NAV2: variants seen among roughly 807,000 people sequenced by gnomAD.
NAV2 encodes helicase, APC down-regulated 1.
A neutral mutation model predicts 223.2 loss-of-function variants in NAV2; 54 were observed. That is an observed-to-expected ratio of 0.24 (90% confidence interval 0.19 to 0.30). The LOEUF (loss-of-function observed/expected upper bound fraction) is 0.30. Among genes scored for constraint, NAV2 ranks in the 10% least tolerant of loss-of-function variants. NAV2 has a pLI of 1.00. For missense variants in NAV2, 2,806 were observed against 3,147.5 expected (o/e 0.89, Z 2.60); for synonymous variants, 1,279 against 1,239.3 (o/e 1.03, Z -0.67).
At chr11:19,884,407 C>A in intron 5 of NAV2, 2 of 1,510,822 alleles carry the variant, frequency 1.3e-6, no homozygotes, top group Non-Finnish European at 1.8e-6. Context: ...TAATCCCAAC[C>A]CACTGTTCCA....
intron 20 of NAV2, among the ~76,000 whole-genome samples, chr11:20,063,216 G>C (rs1722567717): frequency 6.6e-6 from 1 of 152,102 alleles, no homozygotes; most frequent in African/African-American, 2.4e-5. Flanking sequence ...CTAAAACAAT[G>C]AATATAGTAC....
chr11:19,491,743 T>C (rs182659244), intron 1 of NAV2, among the ~76,000 whole-genome samples: 39 of 152,356 alleles, frequency 2.6e-4, no homozygotes, highest in African/African-American at 8.7e-4. Flanking sequence ...TTTCTTTGCA[T>C]TCACAATTTG....
intron 1 of NAV2, among the ~76,000 whole-genome samples, chr11:19,605,075 A>C (rs2046442593): frequency 6.6e-6 from 1 of 152,184 alleles, no homozygotes. Flanking sequence ...TAACTTACCC[A>C]AGGCCTCCAG....
At chr11:19,573,024 C>G (rs778019301) in intron 1 of NAV2, among the ~76,000 whole-genome samples, 10 of 152,168 alleles carry the variant, frequency 6.6e-5, no homozygotes, top group Non-Finnish European at 1.5e-4. Flanking sequence ...TCTCATTAAC[C>G]TCTTGTTTAG....
intron 6 of NAV2, among the ~76,000 whole-genome samples, chr11:19,905,699 G>A (rs1179589335): frequency 6.6e-6 from 1 of 152,152 alleles, no homozygotes; most frequent in Admixed American, 6.5e-5. Context: ...TACCTGTGAG[G>A]GAGAGGGACT....
In NAV2 at chr11:19,601,271, C is replaced by T. The variant is rs112313697; in HGVS notation, c.76-231213C>T. On this transcript the variant is annotated intron_variant, in intron 1 of 37. Transcript: ENST00000360655. ...CTGCTGCTTCCTCCTCCCTACTGCC[C>T]CTACACCCTACTTGGAACATCCTCC... is the stretch of plus-strand genomic sequence containing the variant. Among the ~76,000 whole-genome samples, 624 of 152,346 alleles carry T rather than the reference C, an allele frequency of 4.1e-3. 6 individuals are homozygous for T. The highest frequency in any genetic ancestry group is 0.013 in the African/African-American group (534 of 41,578).
intron 6 of NAV2, among the ~76,000 whole-genome samples, chr11:19,896,890 C>A (rs906415512): frequency 2.6e-5 from 4 of 152,188 alleles, no homozygotes; most frequent in Non-Finnish European, 5.9e-5. Flanking sequence ...TGGGTATATA[C>A]CCAAAGGATT....
At chr11:19,469,927 G>C (rs979585655) in intron 1 of NAV2, among the ~76,000 whole-genome samples, 1 of 152,224 alleles carries the variant, frequency 6.6e-6, no homozygotes, top group South Asian at 2.1e-4. Context: ...GCAGCCACCT[G>C]TGCCTTTTCA....
chr11:19,618,401 G>T (rs146479662), intron 1 of NAV2, among the ~76,000 whole-genome samples: 4 of 30,504 alleles, frequency 1.3e-4, no homozygotes, highest in Non-Finnish European at 4.4e-4. Context: ...TGGATGAATA[G>T]ATGGATGGAT....
rs190232620 is a variant in NAV2 at position 20,052,992 on chromosome 11, G to C, written c.4482-1088G>C. Among the ~76,000 whole-genome samples, 535 of 152,188 alleles carry C rather than the reference G, an allele frequency of 3.5e-3. 10 individuals are homozygous for C. The highest frequency in any genetic ancestry group is 5.4e-4 in the Non-Finnish European group (37 of 68,020). ...AGCACTTTGGGAGGCTGAGGTAGGTGGATCACTTGAGGGCGGGAGTTCAAG... is the reference window on the plus strand; with the variant it reads ...AGCACTTTGGGAGGCTGAGGTAGGTCGATCACTTGAGGGCGGGAGTTCAAG... On this transcript the variant is annotated intron_variant, in intron 17 of 37. Transcript: ENST00000349880.
intron 8 of NAV2, among the ~76,000 whole-genome samples, chr11:19,945,735 C>A (rs945817178): frequency 9.2e-5 from 14 of 152,206 alleles, no homozygotes; most frequent in Non-Finnish European, 1.8e-4. Context: ...GATCTCCAGG[C>A]CTGATCCCAG....
intron 1 of NAV2, among the ~76,000 whole-genome samples, chr11:19,521,976 ATGGG>A (rs1412267155): frequency 6.6e-6 from 1 of 152,172 alleles, no homozygotes; most frequent in Non-Finnish European, 1.5e-5. Flanking sequence ...GTTTAGGCAG[ATGGG>A]TTTGGATCCA....
intron 1 of NAV2, among the ~76,000 whole-genome samples, chr11:19,533,382 T>C (rs139601441): frequency 1.3e-5 from 2 of 152,236 alleles, no homozygotes; most frequent in South Asian, 2.1e-4. Context: ...TGAAATGTTC[T>C]TGGGGTCAAA....
chr11:19,919,321 C>T (rs1470672615), intron 6 of NAV2, among the ~76,000 whole-genome samples: 1 of 151,294 alleles, frequency 6.6e-6, no homozygotes, highest in African/African-American at 2.4e-5. Context: ...TGAGAAGCTC[C>T]TTGAGTCCTT....
chr11:20,031,305 C>G (rs982808653), intron 11 of NAV2, among the ~76,000 whole-genome samples: 1 of 152,150 alleles, frequency 6.6e-6, no homozygotes, highest in Non-Finnish European at 1.5e-5. Flanking sequence ...ATTTATTGCC[C>G]GATTTGGGTC....
At chr11:19,567,177 G>A (rs899500995) in intron 1 of NAV2, among the ~76,000 whole-genome samples, 4 of 152,132 alleles carry the variant, frequency 2.6e-5, no homozygotes, top group African/African-American at 4.8e-5. Flanking sequence ...AGCTATTGCC[G>A]GGGACAGGAT....
intron 3 of NAV2, among the ~76,000 whole-genome samples, chr11:19,846,624 G>T (rs1215721714): frequency 1.3e-5 from 2 of 152,154 alleles, no homozygotes; most frequent in African/African-American, 4.8e-5. Context: ...GTGCTTTAAG[G>T]CTTATGAGCC....
rs1018107434 is a variant in NAV2 at position 19,832,674 on chromosome 11, A to G, written c.385+73A>G. 6 of 1,165,770 alleles carry G rather than the reference A, an allele frequency of 5.1e-6. No homozygotes were observed. The African/African-American group carries it at 9.2e-5, about 18-fold the overall frequency. 72.2% of individuals were successfully genotyped at this position (1,165,770 alleles called of 1,614,324 possible). ...CTCAAAAGGCCGGGGTGAGGGGAAC[A>G]GAGCACTGAAATCTCTCAGAAGGCA... On this transcript the variant is annotated intron_variant, in intron 2 of 37. Coordinates refer to ENST00000349880, the MANE Select transcript of NAV2 (RefSeq NM_145117.5).
rs115544405 is a variant in NAV2, at chr11:19,861,462, A to G, written c.439-7463A>G. 6.4e-3 allele frequency among the ~76,000 whole-genome samples: 977 copies of G among 152,324 alleles called. 11 individuals are homozygous for G. Among genetic ancestry groups the G allele is most frequent in the African/African-American group, 0.023 (940 of 41,562 alleles). On this transcript the variant is annotated intron_variant, in intron 3 of 37. Transcript: ENST00000349880. ...AGGGCCACTCATGCCTAAAATTACA[A>G]CACAGTAATAAAAACTACCGGTTGT...
Sources: allele counts gnomAD v4.1 joint callset (sites outside exome capture counted in the v4.1 genomes callset), GRCh38; gene constraint gnomAD v4.1.1; transcripts MANE v1.5; gene names NCBI Gene and HGNC (gene_info 2026-07-23, HGNC 2026-07-21).